The following LRP2 variants were observed in gnomAD, a reference collection of about 807,000 sequenced individuals.
LRP2 encodes the protein low-density lipoprotein receptor-related protein 2.
LRP2 carries 172 observed loss-of-function variants against 531.0 expected under a neutral mutation model. The ratio of observed to expected loss-of-function variants is 0.32; its 90% CI spans 0.29 to 0.37. LRP2 has a LOEUF of 0.37. Ranked by LOEUF, LRP2 falls within the 10% of genes least tolerant of loss-of-function variation. LRP2 has a pLI of 1.00. For synonymous variants in LRP2, 1,992 were observed against 2,027.6 expected (o/e 0.98, Z 0.47); for missense variants, 5,167 against 5,868.3 (o/e 0.88, Z 3.90).
rs1687484625 is a variant in LRP2 at position 169,182,647 on chromosome 2, CAG to C, written c.9846-330_9846-329del. The C allele has an allele frequency of 1.6e-5, 16 of 985,354 alleles. No individual in the cohort carries two copies. The South Asian group carries it at 1.9e-4, about 12-fold the overall frequency. 61.0% of individuals were successfully genotyped at this position (985,354 alleles called of 1,614,324 possible). A position where few individuals can be genotyped will look rare whatever the true frequency, so the allele number is the denominator to read the frequency against. ...CAGGCAGTGCAAAGGCTTAGCAGAA[CAG>C]GGAAGCAGAGGTGAGTATCATGAAT... On this transcript the variant is annotated intron_variant, in intron 50 of 78. Transcript: ENST00000649046.
At chr2:169,134,455 T>G (rs1685417402) in intron 76 of LRP2, among the ~76,000 whole-genome samples, 1 of 152,136 alleles carries the variant, frequency 6.6e-6, no homozygotes, top group Non-Finnish European at 1.5e-5. Context: ...ATCTCTCTGA[T>G]CCACCTGACA....
rs750027313 is a variant in LRP2 at position 169,280,339 on chromosome 2, T to G, written c.1341+11A>C. On this transcript the variant is annotated intron_variant, in intron 11 of 78. Coordinates refer to ENST00000649046, the MANE Select transcript of LRP2 (RefSeq NM_004525.3). Reference sequence around the variant, plus strand: ...TCAGGGTTCCATTCAGCTACTGAAATTTCTATTTACCTTATTTTGCACGGT... The same window carrying G: ...TCAGGGTTCCATTCAGCTACTGAAAGTTCTATTTACCTTATTTTGCACGGT... 7 of 1,614,118 alleles carry G rather than the reference T, an allele frequency of 4.3e-6. No individual in the cohort carries two copies. The East Asian group carries it at 1.6e-4, about 36-fold the overall frequency.
intron 1 of LRP2, among the ~76,000 whole-genome samples, chr2:169,352,528 C>T (rs924009344): frequency 1.3e-5 from 2 of 152,156 alleles, no homozygotes; most frequent in East Asian, 1.9e-4. Flanking sequence ...CTAGATCACA[C>T]GTTCCCAAAA....
At chr2:169,258,896 A>C in intron 17 of LRP2, 129 bp downstream of exon 17, 1 of 829,470 alleles carries the variant, frequency 1.2e-6, no homozygotes. Context: ...AATAAAATTT[A>C]AGGTGATTTC....
Position 169,177,957 on chromosome 2 carries a change from A to C in LRP2, c.10239T>G (p.Ile3413Met). The C allele has an allele frequency of 6.2e-7, 1 of 1,614,188 alleles. No individual in the cohort carries two copies. The highest frequency in any genetic ancestry group is 8.5e-7 in the Non-Finnish European group (1 of 1,180,024). ...AATAAATAGTGTCTTCAAAAATGGTAATAGCGAAAGGGTGAGGCAGTGCCC... is the reference window on the plus strand; with the variant it reads ...AATAAATAGTGTCTTCAAAAATGGTCATAGCGAAAGGGTGAGGCAGTGCCC... ...YDGALPHPFAITIFEDTIYWT... is the reference protein window; with the variant it reads ...YDGALPHPFAMTIFEDTIYWT... Residue 3413 changes from isoleucine to methionine, a missense_variant, in exon 53 of 79, where the codon ATT becomes ATG. This residue lies in a region of LRP2 where 1,129 missense variants were observed against 1,362.7 expected (regional missense o/e 0.83). Transcript: ENST00000649046.
chr2:169,337,924 T>C (rs1328097109), intron 1 of LRP2, among the ~76,000 whole-genome samples: 2 of 151,904 alleles, frequency 1.3e-5, no homozygotes, highest in Non-Finnish European at 1.5e-5. Context: ...CTGGGCAACA[T>C]AGTGAGAGCC....
intron 46 of LRP2, among the ~76,000 whole-genome samples, chr2:169,196,060 T>C (rs1687992001): frequency 6.6e-6 from 1 of 152,188 alleles, no homozygotes; most frequent in Admixed American, 6.5e-5. Context: ...AATGGAATAT[T>C]ATAGTCATTA....
Position 169,206,478 on chromosome 2 carries a change from T to C in LRP2, c.7242A>G (p.Thr2414=). The C allele has an allele frequency of 6.2e-7, 1 of 1,614,172 alleles. No individual in the cohort carries two copies. Among genetic ancestry groups the C allele is most frequent in the East Asian group, 2.2e-5 (1 of 44,880 alleles). Residue 2414 remains threonine, a synonymous_variant, in exon 39 of 79, where the codon ACA becomes ACG. Transcript: ENST00000649046. The part of the protein sequence containing the change: ...DPENHSPPFQ[T]INVERTVMSL... Reference sequence around the variant, plus strand: ...ACATGACAGTTCTTTCCACATTTATTGTTTGGAAAGGTGGGCTATGGTTTT... The same window carrying C: ...ACATGACAGTTCTTTCCACATTTATCGTTTGGAAAGGTGGGCTATGGTTTT...
chr2:169,307,957 A>C (rs949893834), intron 3 of LRP2, among the ~76,000 whole-genome samples: 2 of 152,224 alleles, frequency 1.3e-5, no homozygotes, highest in Non-Finnish European at 2.9e-5. Flanking sequence ...GCAGGGCATC[A>C]GCAGTTCATG....
At chr2:169,325,113 A>C (rs1205475158) in intron 1 of LRP2, among the ~76,000 whole-genome samples, 1 of 151,688 alleles carries the variant, frequency 6.6e-6, no homozygotes, top group Admixed American at 6.6e-5. Context: ...TAGCAGTTTC[A>C]TTCTTTTACC....
intron 77 of LRP2, among the ~76,000 whole-genome samples, chr2:169,130,951 T>C (rs981847935): frequency 6.6e-6 from 1 of 152,158 alleles, no homozygotes; most frequent in Admixed American, 6.6e-5. Flanking sequence ...GGTTACAGCC[T>C]CCCCACCACA....
Position 169,173,204 on chromosome 2 carries a change from C to G in LRP2, c.11035G>C (p.Asp3679His). ...EECMSSAHLC[D>H]NFTEFSCKTN... Reference sequence around the variant, plus strand: ...TTGCAGCTGAATTCTGTGAAGTTGTCACAGAGATGGGCAGAGCTCACTGAA... The same window carrying G: ...TTGCAGCTGAATTCTGTGAAGTTGTGACAGAGATGGGCAGAGCTCACTGAA... Residue 3679 changes from aspartate (D) to histidine (H), a missense_variant, in exon 57 of 79, where the codon GAC becomes CAC. Physicochemically the swap from Asp to His is moderately conservative, Grantham distance 81 (BLOSUM62 -1). Transcript: ENST00000649046. 6.2e-7 allele frequency: 1 copy of G among 1,614,112 alleles called. No homozygotes were observed. Among genetic ancestry groups the G allele is most frequent in the Non-Finnish European group, 8.5e-7 (1 of 1,180,024 alleles).
At chr2:169,302,022 G>A (rs1404182452) in intron 4 of LRP2, among the ~76,000 whole-genome samples, 3 of 151,936 alleles carry the variant, frequency 2.0e-5, no homozygotes, top group African/African-American at 7.3e-5. Context: ...CATTCCTATA[G>A]GCCATTCTAT....
intron 16 of LRP2, 28 bp from the exon 17 acceptor site, chr2:169,259,245 A>T: frequency 6.4e-7 from 1 of 1,567,138 alleles, no homozygotes. Context: ...GACATATTTT[A>T]AGCTAAGTAT....
intron 63 of LRP2, among the ~76,000 whole-genome samples, chr2:169,159,201 T>C (rs1574081778): frequency 6.6e-6 from 1 of 152,276 alleles, no homozygotes; most frequent in Middle Eastern, 3.4e-3. Flanking sequence ...AAATAAAAAG[T>C]CTCCTGGTCA....
intron 1 of LRP2, among the ~76,000 whole-genome samples, chr2:169,322,007 C>A (rs1279966088): frequency 1.3e-5 from 2 of 152,314 alleles, no homozygotes; most frequent in Middle Eastern, 3.4e-3. Context: ...CTACCAGCCC[C>A]ACTTAGAGAA....
At chr2:169,328,777 A>G (rs1409402737) in intron 1 of LRP2, among the ~76,000 whole-genome samples, 1 of 152,188 alleles carries the variant, frequency 6.6e-6, no homozygotes, top group Non-Finnish European at 1.5e-5. Flanking sequence ...TCGAAGTCTG[A>G]TTTAGCCCCA....
Position 169,182,259 on chromosome 2 carries a change from T to A in LRP2, c.9906A>T (p.Gly3302=). 1 of 1,614,092 alleles carries A rather than the reference T, an allele frequency of 6.2e-7. No individual in the cohort carries two copies. The highest frequency in any genetic ancestry group is 8.5e-7 in the Non-Finnish European group (1 of 1,179,970). Residue 3302 remains glycine (G), a synonymous_variant, in exon 51 of 79, where the codon GGA becomes GGT. Transcript: ENST00000649046. ...AGTGCTGGGCCAGCATGCGGCGGTG[T>A]CCACCATTGAGGTCAGAGACAAAGA... is the stretch of plus-strand genomic sequence containing the variant. ...DGLFVSDLNG[G]HRRMLAQHCV... is the part of the protein sequence containing the mutation.
At chr2:169,329,823 G>A (rs1405944200) in intron 1 of LRP2, among the ~76,000 whole-genome samples, 9 of 152,184 alleles carry the variant, frequency 5.9e-5, no homozygotes, top group African/African-American at 2.2e-4. Flanking sequence ...CATGAGGGAG[G>A]GGTCCCCAGT....
Sources: allele counts gnomAD v4.1 joint callset (sites outside exome capture counted in the v4.1 genomes callset), GRCh38; gene constraint gnomAD v4.1.1; regional missense constraint gnomAD v4.1.1; transcripts MANE v1.5; gene names NCBI Gene and HGNC (gene_info 2026-07-23, HGNC 2026-07-21).